The following NLGN1 variants were observed in gnomAD, a reference collection of about 807,000 sequenced individuals.
NLGN1 encodes neuroligin-1.
NLGN1 carries 12 observed loss-of-function variants against 65.5 expected under a neutral mutation model. The observed-to-expected ratio is 0.18, with a 90% CI of 0.12 to 0.30. NLGN1 has a LOEUF of 0.30. NLGN1 is among the 10% of genes least tolerant of loss of function. NLGN1 has a pLI of 1.00. For synonymous variants in NLGN1, 350 were observed against 359.5 expected (o/e 0.97, Z 0.30); for missense variants, 750 against 1,007.1 (o/e 0.74, Z 3.46).
chr3:174,043,180 A>G (rs933439676), intron 4 of NLGN1, among the ~76,000 whole-genome samples: 24 of 152,170 alleles, frequency 1.6e-4, no homozygotes, highest in African/African-American at 5.5e-4. Flanking sequence ...CTCCCACGAC[A>G]TGTGGAGATT....
chr3:173,410,778 A>G (rs967820708), intron 1 of NLGN1, among the ~76,000 whole-genome samples: 5 of 152,246 alleles, frequency 3.3e-5, no homozygotes, highest in East Asian at 1.9e-4. Flanking sequence ...TGCCACTTCA[A>G]TCATGTTTTA....
intron 4 of NLGN1, among the ~76,000 whole-genome samples, chr3:173,881,029 T>G (rs1733128262): frequency 6.6e-6 from 1 of 150,950 alleles, no homozygotes; most frequent in Non-Finnish European, 1.5e-5. Context: ...AAGCAACTTC[T>G]CATCACTTGA....
intron 2 of NLGN1, among the ~76,000 whole-genome samples, chr3:173,569,476 CTATTTT>C (rs1220176835): frequency 6.6e-6 from 1 of 151,526 alleles, no homozygotes; most frequent in African/African-American, 2.4e-5. Flanking sequence ...TCGGAGAAGG[CTATTTT>C]TATTTTCTTA....
intron 4 of NLGN1, among the ~76,000 whole-genome samples, chr3:174,135,861 G>A (rs1721118110): frequency 6.6e-6 from 1 of 152,070 alleles, no homozygotes; most frequent in South Asian, 2.1e-4. Flanking sequence ...TTAAGATTCA[G>A]ACCCAGATCA....
exon 6 of NLGN1, chr3:174,278,902 T>G: frequency 6.6e-7 from 1 of 1,510,508 alleles, no homozygotes; most frequent in South Asian, 1.4e-5. Flanking sequence ...AACAGCCCTT[T>G]CCAGCTGGGC....
intron 5 of NLGN1, among the ~76,000 whole-genome samples, chr3:174,276,365 C>T (rs1285969986): frequency 6.6e-6 from 1 of 151,814 alleles, no homozygotes; most frequent in African/African-American, 2.4e-5. Flanking sequence ...TTCACAAGAA[C>T]AGAAGAGTAT....
intron 4 of NLGN1, among the ~76,000 whole-genome samples, chr3:173,843,258 C>T (rs1037879839): frequency 3.3e-5 from 5 of 152,334 alleles, no homozygotes; most frequent in African/African-American, 4.8e-5. Context: ...CCTAGGCCTA[C>T]GGCCCTGTGA....
chr3:173,477,365 A>T (rs1258096851), intron 2 of NLGN1, among the ~76,000 whole-genome samples: 2 of 151,992 alleles, frequency 1.3e-5, no homozygotes, highest in Non-Finnish European at 2.9e-5. Flanking sequence ...ACATAGTGAG[A>T]CCTTGTCTCT....
At chr3:173,984,617 T>G (rs1428131984) in intron 4 of NLGN1, among the ~76,000 whole-genome samples, 1 of 152,204 alleles carries the variant, frequency 6.6e-6, no homozygotes, top group African/African-American at 2.4e-5. Flanking sequence ...TAACCCAACA[T>G]TTATCAAACT....
At chr3:173,733,455 A>G (rs1334043131) in intron 3 of NLGN1, among the ~76,000 whole-genome samples, 2 of 151,940 alleles carry the variant, frequency 1.3e-5, no homozygotes, top group Non-Finnish European at 2.9e-5. Context: ...CCTTTTCTGC[A>G]GTAGCTTTCA....
intron 2 of NLGN1, among the ~76,000 whole-genome samples, chr3:173,490,147 T>C (rs1728869192): frequency 1.3e-5 from 2 of 152,350 alleles, no homozygotes; most frequent in South Asian, 4.1e-4. Flanking sequence ...GTTTTAGACA[T>C]GAAGTCCTTG....
chr3:173,499,311 A>G (rs1730591383), intron 2 of NLGN1, among the ~76,000 whole-genome samples: 2 of 151,780 alleles, frequency 1.3e-5, no homozygotes, highest in South Asian at 4.1e-4. Context: ...TTAAATAGGG[A>G]ATCCTTTCCC....
intron 4 of NLGN1, among the ~76,000 whole-genome samples, chr3:174,098,520 T>C (rs7623402): frequency 0.28 from 42,129 of 152,030 alleles, 7,583 homozygotes; most frequent in African/African-American, 0.52. Flanking sequence ...GTGTAGTAGA[T>C]GCTAAGAAAA....
intron 4 of NLGN1, among the ~76,000 whole-genome samples, chr3:174,051,828 C>G (rs939693213): frequency 6.6e-6 from 1 of 152,012 alleles, no homozygotes; most frequent in Middle Eastern, 3.2e-3. Flanking sequence ...ATATCCCTCA[C>G]AGGCAGATTG....
rs77250644 is a variant in NLGN1 at position 174,010,028 on chromosome 3, A to G, written c.646+202196A>G. 3.7e-3 allele frequency among the ~76,000 whole-genome samples: 564 copies of G among 152,298 alleles called. 3 individuals are homozygous for G. The highest frequency in any genetic ancestry group is 0.013 in the African/African-American group (546 of 41,574). On this transcript the variant is annotated intron_variant, in intron 4 of 6. Coordinates refer to ENST00000457714, the Ensembl canonical transcript of NLGN1. ...AAAGAACTTTAATCAATGTACTAGT[A>G]AATTTGAACTATTTTGGAAGTCAAC...
chr3:173,555,783 C>T (rs1170482731), intron 2 of NLGN1, among the ~76,000 whole-genome samples: 5 of 152,076 alleles, frequency 3.3e-5, no homozygotes, highest in Admixed American at 3.3e-4. Flanking sequence ...CTCCCAGCCC[C>T]TTGTCAAGTT....
At chr3:174,203,438 T>C (rs764086843) in intron 4 of NLGN1, among the ~76,000 whole-genome samples, 14 of 152,306 alleles carry the variant, frequency 9.2e-5, no homozygotes, top group Non-Finnish European at 1.8e-4. Flanking sequence ...GGCAGTTCGA[T>C]GTGGATGAAT....
intron 2 of NLGN1, among the ~76,000 whole-genome samples, chr3:173,509,381 A>G (rs1326847209): frequency 6.6e-6 from 1 of 152,060 alleles, no homozygotes; most frequent in Non-Finnish European, 1.5e-5. Flanking sequence ...TATTTTTTCA[A>G]ATTTTTGATA....
rs556267586 is a variant in NLGN1, at chr3:173,919,230, T to G, written c.646+111398T>G. ...TTCTGGAGATTAAGACTCAGACATCTTTGGGAGGCCATTTTGTATCTGCTA... is the reference window on the plus strand; with the variant it reads ...TTCTGGAGATTAAGACTCAGACATCGTTGGGAGGCCATTTTGTATCTGCTA... On this transcript the variant is annotated intron_variant, in intron 4 of 6. Transcript: ENST00000457714. Among the ~76,000 whole-genome samples the G allele has an allele frequency of 6.6e-5, 10 of 152,280 alleles. No homozygotes were observed. The South Asian group carries it at 2.1e-3, about 32-fold the overall frequency.
Sources: allele counts gnomAD v4.1 joint callset (sites outside exome capture counted in the v4.1 genomes callset), GRCh38; gene constraint gnomAD v4.1.1; transcripts MANE v1.5; gene names NCBI Gene and HGNC (gene_info 2026-07-23, HGNC 2026-07-21).